The following MSN variants were observed in gnomAD, a reference collection of about 807,000 sequenced individuals.
MSN encodes moesin.
Under a neutral mutation model 48.0 loss-of-function variants are expected in MSN, and 2 were observed. The ratio of observed to expected loss-of-function variants is 0.04; its 90% CI spans 0.02 to 0.13. MSN has a LOEUF of 0.13. Ranked by LOEUF, MSN falls within the 10% of genes least tolerant of loss-of-function variation. The pLI, the probability that MSN is intolerant of heterozygous loss-of-function variation, is 1.00. For missense variants in MSN, 267 were observed against 470.1 expected (o/e 0.57, Z 3.99); for synonymous variants, 146 against 166.9 (o/e 0.87, Z 0.97).
At chrX:65,596,882 C>T (rs1375244449) in intron 1 of MSN, among the ~76,000 whole-genome samples, 2 of 110,899 alleles carry the variant, frequency 1.8e-5, no homozygotes, top group Non-Finnish European at 3.8e-5. Context: ...GAGCTGGGGC[C>T]AGATACTGTA....
At chrX:65,604,375 G>A (rs754594550) in intron 1 of MSN, among the ~76,000 whole-genome samples, 22 of 111,796 alleles carry the variant, frequency 2.0e-4, no homozygotes, top group African/African-American at 3.2e-4. Context: ...CAGGGTTAGA[G>A]ATAGAATATT....
chrX:65,663,943 C>T (rs760161389), upstream of MSN, among the ~76,000 whole-genome samples: 15 of 108,373 alleles, frequency 1.4e-4, no homozygotes, highest in Non-Finnish European at 2.9e-4. Context: ...GCCTATAGTC[C>T]CAGCTACTTG....
chrX:65,702,528 T>C (rs763322061), intron 1 of MSN, among the ~76,000 whole-genome samples: 17 of 109,034 alleles, frequency 1.6e-4, no homozygotes, highest in Non-Finnish European at 3.3e-4. Flanking sequence ...TAGCCAGACA[T>C]AGTGGTGGGT....
At chrX:65,604,020 A>G (rs1003475259) in intron 1 of MSN, among the ~76,000 whole-genome samples, 1 of 112,382 alleles carries the variant, frequency 8.9e-6, no homozygotes, top group African/African-American at 3.2e-5. Context: ...CAACTGGTTT[A>G]GGTGCTTTAC....
At chrX:65,611,332 G>A (rs779388877) in intron 1 of MSN, among the ~76,000 whole-genome samples, 1 of 110,335 alleles carries the variant, frequency 9.1e-6, no homozygotes, top group African/African-American at 3.3e-5. Flanking sequence ...GCTAATTTTT[G>A]TATTTTTAGT....
intron 1 of MSN, among the ~76,000 whole-genome samples, chrX:65,619,058 G>A (rs1227248878): frequency 2.0e-5 from 2 of 99,243 alleles, no homozygotes; most frequent in Admixed American, 1.1e-4. Context: ...TGGCTTGTAG[G>A]GTTTCTGCCG....
In MSN at chrX:65,729,642, A is replaced by G; in HGVS notation, c.397A>G (p.Lys133Glu). 1 of 1,211,532 alleles carries G rather than the reference A, an allele frequency of 8.3e-7. No homozygotes were observed. Among genetic ancestry groups the G allele is most frequent in the African/African-American group, 1.7e-5 (1 of 57,798 alleles). Residue 133 changes from lysine to glutamate, a missense_variant, in exon 4 of 13, where the codon AAG becomes GAG. Lys to Glu is a moderately conservative substitution (Grantham distance 56, BLOSUM62 1). Coordinates refer to ENST00000360270, the MANE Select transcript of MSN (RefSeq NM_002444.3). ...GCTGGCCTCGTATGCTGTCCAGTCT[A>G]AGTATGGCGACTTCAATAAGGAAGT... ...VLLASYAVQS[K>E]YGDFNKEVHK...
At chrX:65,643,508 C>T (rs996778262) in intron 1 of MSN, among the ~76,000 whole-genome samples, 2 of 111,322 alleles carry the variant, frequency 1.8e-5, no homozygotes, top group Non-Finnish European at 3.8e-5. Flanking sequence ...AGCGCACATT[C>T]GAATCACCCA....
chrX:65,710,773 T>A (rs2071405902), intron 1 of MSN, among the ~76,000 whole-genome samples: 1 of 110,748 alleles, frequency 9.0e-6, no homozygotes, highest in African/African-American at 3.3e-5. Context: ...TGCAGTGACG[T>A]GATCTCGGCT....
chrX:65,589,866 CTTT>C (rs34344599), intron 1 of MSN: 2 of 80,141 alleles, frequency 2.5e-5, no homozygotes, highest in Non-Finnish European at 2.0e-5. Context: ...TTCTTTCTTT[CTTT>C]TTTTTTTTTT....
intron 1 of MSN, among the ~76,000 whole-genome samples, chrX:65,598,220 A>AAAAG (rs1273251759): frequency 1.8e-5 from 2 of 111,068 alleles, no homozygotes; most frequent in African/African-American, 6.6e-5. Flanking sequence ...AGAGACAGAG[A>AAAAG]AAAGAAAGAA....
chrX:65,655,899 T>C (rs1286629234), intron 1 of MSN, among the ~76,000 whole-genome samples: 1 of 111,781 alleles, frequency 8.9e-6, no homozygotes, highest in Non-Finnish European at 1.9e-5. Flanking sequence ...CCCAAGTAGC[T>C]GGGACTACAG....
chrX:65,677,756 T>TAAAAAAAAAGAA, intron 1 of MSN, among the ~76,000 whole-genome samples: 1 of 100,794 alleles, frequency 9.9e-6, no homozygotes, highest in Non-Finnish European at 2.0e-5. Context: ...AGACTCTGTC[T>TAAAAAAAAAGAA]AAAAAAAAAG....
chrX:65,617,016 T>A (rs1212355221), intron 1 of MSN, among the ~76,000 whole-genome samples: 2 of 109,125 alleles, frequency 1.8e-5, no homozygotes, highest in Non-Finnish European at 3.8e-5. Context: ...CATTTATTGA[T>A]TTGCATATAT....
intron 1 of MSN, among the ~76,000 whole-genome samples, chrX:65,640,949 G>A (rs747411737): frequency 1.5e-3 from 168 of 109,402 alleles, no homozygotes; most frequent in African/African-American, 4.5e-3. Context: ...TCTCTACTAA[G>A]AATACAAAAA....
intron 1 of MSN, chrX:65,625,007 GTA>G (rs2070492671): frequency 2.7e-5 from 3 of 111,596 alleles, no homozygotes; most frequent in African/African-American, 6.5e-5. Flanking sequence ...TCATCTCTAA[GTA>G]TACTCTAACC....
chrX:65,673,941 G>A (rs1404839384), intron 1 of MSN, among the ~76,000 whole-genome samples: 1 of 111,527 alleles, frequency 9.0e-6, no homozygotes, highest in Non-Finnish European at 1.9e-5. Flanking sequence ...ACTGTGAGGT[G>A]CTCAGTGTCT....
rs1316101863 is a variant in MSN at position 65,589,390 on chromosome X, G to T, written c.-22+778G>T. ...GCCCCTGAAAGACATCTGTTTCTAG[G>T]CTAGGCTGGTTTTTCTCCTGGAATC... On this transcript the variant is annotated intron_variant, in intron 1 of 3. Transcript: ENST00000609672. Among the ~76,000 whole-genome samples the T allele has an allele frequency of 2.7e-5, 3 of 111,851 alleles. No individual in the cohort carries two copies. In the Middle Eastern group the frequency reaches 0.014, roughly 515 times the overall value.
At chrX:65,605,355 G>A (rs1196175868) in intron 1 of MSN, among the ~76,000 whole-genome samples, 5 of 111,626 alleles carry the variant, frequency 4.5e-5, no homozygotes, top group Non-Finnish European at 9.4e-5. Flanking sequence ...GGCAAGTCCT[G>A]CTACACTCAG....
Sources: gnomAD v4.1 joint callset for allele counts (sites outside exome capture counted in the v4.1 genomes callset) on GRCh38, gnomAD v4.1.1 for gene constraint, MANE v1.5 for transcripts, NCBI Gene and HGNC (gene_info 2026-07-23, HGNC 2026-07-21) for gene names.